Variants in MEPCE observed in about 807,000 individuals in gnomAD.
MEPCE encodes the protein 7SK snRNA methylphosphate capping enzyme.
In MEPCE, 9 loss-of-function variants were observed where a neutral mutation model predicts 52.3. The observed-to-expected ratio is 0.17, with a 90% CI of 0.10 to 0.30. The LOEUF is 0.30. MEPCE is among the 10% of genes least tolerant of loss of function. The probability of loss-of-function intolerance (pLI) is 1.00; values close to 1 mark genes in which losing one functional copy is unlikely to be tolerated. For missense variants in MEPCE, 826 were observed against 933.0 expected (o/e 0.89, Z 1.49); for synonymous variants, 477 against 401.6 (o/e 1.19, Z -2.25).
chr7:100,430,250 A>G lies in MEPCE; in HGVS notation c.232A>G (p.Ser78Gly), dbSNP rs973439934. ...CCCCGGGGCCGCGGCCACCTCCTCC[A>G]GTGGTCCCCAGGCGCAGCAGCACCG... ...ESPGAAATSSSGPQAQQHRGG... is the reference protein window; with the variant it reads ...ESPGAAATSSGGPQAQQHRGG... The change falls in exon 1 of 4, where the codon AGT becomes GGT. Residue 78 changes from serine to glycine, a missense_variant. Coordinates refer to ENST00000310512, the MANE Select transcript of MEPCE (RefSeq NM_019606.6). The G allele has an allele frequency of 2.9e-6, 4 of 1,360,588 alleles. No individual in the cohort carries two copies. In the Admixed American group the frequency reaches 1.1e-4, roughly 37 times the overall value. The allele number at this position is 1,360,588 out of a possible 1,614,324, so 84.3% of individuals were successfully genotyped here.
Position 100,430,063 on chromosome 7 carries a change from C to T in MEPCE, c.45C>T (p.Ala15=). 1 of 1,266,802 alleles carries T rather than the reference C, an allele frequency of 7.9e-7. No homozygotes were observed. Among genetic ancestry groups the T allele is most frequent in the Non-Finnish European group, 9.9e-7 (1 of 1,006,330 alleles). The allele number at this position is 1,266,802 out of a possible 1,614,324, so 78.5% of individuals were successfully genotyped here. Residue 15 remains alanine, a synonymous_variant, in exon 1 of 4, where the codon GCC becomes GCT. Transcript: ENST00000310512. The stretch of plus-strand genomic sequence containing the variant: ...AGAAGGAGCCGTTTCTGGTGCCGGC[C>T]CCGCCGCCGCCGCTCAAAGATGAGT... ...AAEKEPFLVP[A]PPPPLKDESG...
Position 100,430,394 on chromosome 7 carries a change from C to T in MEPCE, c.376C>T (p.Pro126Ser), listed in dbSNP as rs771494839. ...GGGAGGGGGCGGGACAGAGCTGGGT[C>T]CCCCTGCTCCTCCTCGACCCCGCAA... ...RRGGGGTELG[P>S]PAPPRPRNGY... The change falls in exon 1 of 4, where the codon CCC becomes TCC. Residue 126 changes from proline (P) to serine (S), a missense_variant. This residue lies in a region of MEPCE where 314 missense variants were observed against 277.7 expected (regional missense o/e 1.13). Transcript: ENST00000310512. 3.8e-5 allele frequency: 58 copies of T among 1,510,772 alleles called. No individual in the cohort carries two copies. Among genetic ancestry groups the T allele is most frequent in the Middle Eastern group, 3.8e-4 (2 of 5,302 alleles). The allele number at this position is 1,510,772 out of a possible 1,614,324, so 93.6% of individuals were successfully genotyped here. A position where few individuals can be genotyped will look rare whatever the true frequency, so the allele number is the denominator to read the frequency against.
At position 100,431,476 on chromosome 7, in the gene MEPCE, C is replaced by T. The variant is rs759935264; in HGVS notation, c.1458C>T (p.Asn486=). ...GGCTCATCCATTCTGCCCGCCAAAA[C>T]ATCCGACACTACCTTTCCGAGGAGC... ...DSRLIHSARQ[N]IRHYLSEELR... Residue 486 remains asparagine (N), a synonymous_variant, in exon 1 of 4, where the codon AAC becomes AAT. Coordinates refer to ENST00000310512, the MANE Select transcript of MEPCE (RefSeq NM_019606.6). The T allele has an allele frequency of 1.9e-6, 3 of 1,613,804 alleles. No individual in the cohort carries two copies. Among genetic ancestry groups the T allele is most frequent in the Non-Finnish European group, 2.5e-6 (3 of 1,180,044 alleles).
chr7:100,433,789 T>G lies in MEPCE; in HGVS notation c.*235T>G. ...ACCATCATCTTCCTCTCCCCCAGCC[T>G]CCCAGGCTGGATGGCATGGACTGTT... is the stretch of plus-strand genomic sequence containing the variant. On this transcript the variant is annotated 3_prime_UTR_variant, in exon 4 of 4. Transcript: ENST00000310512. 1.7e-6 allele frequency: 1 copy of G among 578,650 alleles called. No individual in the cohort carries two copies. The highest frequency in any genetic ancestry group is 4.6e-4 in the Middle Eastern group (1 of 2,172). 35.8% of individuals were successfully genotyped at this position (578,650 alleles called of 1,614,324 possible). A position where few individuals can be genotyped will look rare whatever the true frequency, so the allele number is the denominator to read the frequency against.
chr7:100,430,102 C>T lies in MEPCE; in HGVS notation c.84C>T (p.Gly28=). 3.2e-6 allele frequency: 4 copies of T among 1,261,126 alleles called. No individual in the cohort carries two copies. Among genetic ancestry groups the T allele is most frequent in the South Asian group, 6.0e-5 (2 of 33,538 alleles). The allele number at this position is 1,261,126 out of a possible 1,614,324, so 78.1% of individuals were successfully genotyped here. The stretch of plus-strand genomic sequence containing the variant: ...TCAAAGATGAGTCGGGCGGAGGGGG[C>T]GGCCCCACGGTGCCACCGCACCAAG... The part of the protein sequence containing the change: ...PPLKDESGGG[G]GPTVPPHQEA... The change falls in exon 1 of 4, where the codon GGC becomes GGT. Residue 28 remains glycine, a synonymous_variant. Transcript: ENST00000310512.
At chr7:100,428,871 G>C (rs1482827332), upstream of MEPCE, 1 of 152,392 alleles carries the variant, frequency 6.6e-6, no homozygotes, top group Non-Finnish European at 1.5e-5. Context: ...CGTGGGTGTT[G>C]AGGCGGAGAG....
At position 100,430,165 on chromosome 7, in the gene MEPCE, T is replaced by G. The variant is rs1390131460; in HGVS notation, c.147T>G (p.Arg49=). 4.7e-5 allele frequency: 61 copies of G among 1,284,728 alleles called. No individual in the cohort carries two copies. Among genetic ancestry groups the G allele is most frequent in the Non-Finnish European group, 5.8e-5 (59 of 1,017,574 alleles). The allele number at this position is 1,284,728 out of a possible 1,614,324, so 79.6% of individuals were successfully genotyped here. Residue 49 remains arginine, a synonymous_variant, in exon 1 of 4, where the codon CGT becomes CGG. Transcript: ENST00000310512. The stretch of plus-strand genomic sequence containing the variant: ...GGGAGCTCCGCGGCGGGACGGAGCG[T>G]GGTCCGGGTCGTTGCGCGCCATCTG... The part of the protein sequence containing the change: ...ASGELRGGTE[R]GPGRCAPSAG...
rs534082087 is a variant in MEPCE at position 100,433,592 on chromosome 7, C to A, written c.*38C>A. The stretch of plus-strand genomic sequence containing the variant: ...ACAGAAAGTGTGAAGAGGCTGCCCT[C>A]GCTGCTCATAAGGACCTGGGGGAAG... On this transcript the variant is annotated 3_prime_UTR_variant, in exon 4 of 4. Coordinates refer to ENST00000310512, the MANE Select transcript of MEPCE (RefSeq NM_019606.6). 1.3e-6 allele frequency: 2 copies of A among 1,598,046 alleles called. No homozygotes were observed. Among genetic ancestry groups the A allele is most frequent in the South Asian group, 1.1e-5 (1 of 90,504 alleles).
At chr7:100,431,811 G>T in intron 1 of MEPCE, 122 bp downstream of exon 1, 1 of 933,586 alleles carries the variant, frequency 1.1e-6, no homozygotes, top group South Asian at 1.8e-5. Flanking sequence ...GCAAGTGAGA[G>T]CCTCTGCTGG....
Position 100,433,665 on chromosome 7 carries a change from C to G in MEPCE, c.*111C>G. 1.8e-6 allele frequency: 2 copies of G among 1,135,816 alleles called. No homozygotes were observed. The highest frequency in any genetic ancestry group is 2.6e-6 in the Non-Finnish European group (2 of 782,492). 70.4% of individuals were successfully genotyped at this position (1,135,816 alleles called of 1,614,324 possible). ...CCTTTCTGACTCCAAAAATAGTTTC[C>G]TTTCTTGGATCTGCAAAGAAAGCTT... On this transcript the variant is annotated 3_prime_UTR_variant, in exon 4 of 4. Coordinates refer to ENST00000310512, the MANE Select transcript of MEPCE (RefSeq NM_019606.6).
chr7:100,429,319 T>A (rs1252806640), upstream of MEPCE: 4 of 152,298 alleles, frequency 2.6e-5, no homozygotes, highest in East Asian at 7.7e-4. Context: ...GGCGCCAGTT[T>A]CAGCACGTGC....
chr7:100,433,582 A>G lies in MEPCE; in HGVS notation c.*28A>G. The stretch of plus-strand genomic sequence containing the variant: ...GGCCCCCTAAACAGAAAGTGTGAAG[A>G]GGCTGCCCTCGCTGCTCATAAGGAC... On this transcript the variant is annotated 3_prime_UTR_variant, in exon 4 of 4. Coordinates refer to ENST00000310512, the MANE Select transcript of MEPCE (RefSeq NM_019606.6). The G allele has an allele frequency of 6.2e-7, 1 of 1,609,404 alleles. No homozygotes were observed. Among genetic ancestry groups the G allele is most frequent in the Non-Finnish European group, 8.5e-7 (1 of 1,177,670 alleles).
upstream of MEPCE, chr7:100,429,320 C>T (rs1034045302): frequency 2.0e-5 from 3 of 152,282 alleles, no homozygotes; most frequent in Admixed American, 1.3e-4. Flanking sequence ...GCGCCAGTTT[C>T]AGCACGTGCT....
chr7:100,430,387 G>T lies in MEPCE; in HGVS notation c.369G>T (p.Glu123Asp). 6.7e-7 allele frequency: 1 copy of T among 1,501,698 alleles called. No homozygotes were observed. The allele number at this position is 1,501,698 out of a possible 1,614,324, so 93.0% of individuals were successfully genotyped here. A position where few individuals can be genotyped will look rare whatever the true frequency, so the allele number is the denominator to read the frequency against. ...GEERRGGGGTELGPPAPPRPR... is the reference protein window; with the variant it reads ...GEERRGGGGTDLGPPAPPRPR... ...AGCGCCGGGGAGGGGGCGGGACAGA[G>T]CTGGGTCCCCCTGCTCCTCCTCGAC... Residue 123 changes from glutamate (E) to aspartate (D), a missense_variant, in exon 1 of 4, where the codon GAG (glutamate) becomes GAT (aspartate). By Grantham distance (45) the Glu-to-Asp change is conservative. Coordinates refer to ENST00000310512, the MANE Select transcript of MEPCE (RefSeq NM_019606.6).
At position 100,433,725 on chromosome 7, in the gene MEPCE, C is replaced by T. The variant is rs1002139125; in HGVS notation, c.*171C>T. On this transcript the variant is annotated 3_prime_UTR_variant, in exon 4 of 4. Coordinates refer to ENST00000310512, the MANE Select transcript of MEPCE (RefSeq NM_019606.6). Reference sequence around the variant, plus strand: ...CGCTGCCTCAGCCTCCTCCCTATGCCTCTGGCACCTGCGCAGCAAGGCTGG... The same window carrying T: ...CGCTGCCTCAGCCTCCTCCCTATGCTTCTGGCACCTGCGCAGCAAGGCTGG... 2 of 661,988 alleles carry T rather than the reference C, an allele frequency of 3.0e-6. No individual in the cohort carries two copies. Among genetic ancestry groups the T allele is most frequent in the East Asian group, 2.7e-5 (1 of 36,532 alleles). The allele number at this position is 661,988 out of a possible 1,614,324, so 41.0% of individuals were successfully genotyped here. A position where few individuals can be genotyped will look rare whatever the true frequency, so the allele number is the denominator to read the frequency against.
In MEPCE at chr7:100,430,847, G is replaced by A; in HGVS notation, c.829G>A (p.Gly277Arg). Residue 277 changes from glycine (G) to arginine (R), a missense_variant, in exon 1 of 4, where the codon GGA becomes AGA. By Grantham distance (125) the Gly-to-Arg change is moderately radical (BLOSUM62 -2). Transcript: ENST00000310512. Reference sequence around the variant, plus strand: ...GCACCACCAGCAGCAGCAGGCAGCCGGAGGGAGTGAGAGTCACCCCGTGCC... The same window carrying A: ...GCACCACCAGCAGCAGCAGGCAGCCAGAGGGAGTGAGAGTCACCCCGTGCC... ...GQHHQQQQAA[G>R]GSESHPVPPT... 1.2e-6 allele frequency: 2 copies of A among 1,610,996 alleles called. No homozygotes were observed. Among genetic ancestry groups the A allele is most frequent in the Non-Finnish European group, 1.7e-6 (2 of 1,178,144 alleles).
rs1798779037 is a variant in MEPCE at position 100,433,405 on chromosome 7, T to C, written c.2017+16T>C. 6.2e-7 allele frequency: 1 copy of C among 1,614,004 alleles called. No individual in the cohort carries two copies. Among genetic ancestry groups the C allele is most frequent in the Admixed American group, 1.7e-5 (1 of 60,000 alleles). On this transcript the variant is annotated intron_variant, in intron 3 of 3. Transcript: ENST00000310512. ...ACCTCTAAAGGTAAGGCTGGTTTATTTTGTCAGGGAGGCTGGTCCTGGCTG... is the reference window on the plus strand; with the variant it reads ...ACCTCTAAAGGTAAGGCTGGTTTATCTTGTCAGGGAGGCTGGTCCTGGCTG...
chr7:100,428,996 G>A (rs1798305825), upstream of MEPCE: 1 of 152,362 alleles, frequency 6.6e-6, no homozygotes, highest in Admixed American at 6.5e-5. Flanking sequence ...CTGTTTTAGT[G>A]CTTTTTATTT....
Position 100,430,781 on chromosome 7 carries a change from C to T in MEPCE, c.763C>T (p.Pro255Ser), listed in dbSNP as rs1434361755. ...TDEGHVVLAS[P>S]LKTGRKRHRH... ...TGAGGGCCATGTAGTTCTTGCTTCGCCACTCAAGACTGGTCGGAAGCGGCA... is the reference window on the plus strand; with the variant it reads ...TGAGGGCCATGTAGTTCTTGCTTCGTCACTCAAGACTGGTCGGAAGCGGCA... Residue 255 changes from proline (P) to serine (S), a missense_variant, in exon 1 of 4, where the codon CCA becomes TCA. By Grantham distance (74) the Pro-to-Ser change is moderately conservative (BLOSUM62 -1). Transcript: ENST00000310512. 6.2e-7 allele frequency: 1 copy of T among 1,613,782 alleles called. No individual in the cohort carries two copies. Among genetic ancestry groups the T allele is most frequent in the Admixed American group, 1.7e-5 (1 of 60,018 alleles).
Sources: allele counts gnomAD v4.1 joint callset, GRCh38; gene constraint gnomAD v4.1.1; regional missense constraint gnomAD v4.1.1; transcripts MANE v1.5; gene names NCBI Gene and HGNC (gene_info 2026-07-23, HGNC 2026-07-21).